HSD17B12: variants seen among roughly 807,000 people sequenced by gnomAD.
The protein encoded by HSD17B12 is very-long-chain 3-oxoacyl-CoA reductase.
HSD17B12 carries 32 observed loss-of-function variants against 39.3 expected under a neutral mutation model. The ratio of observed to expected loss-of-function variants is 0.81; its 90% CI spans 0.61 to 1.09. The LOEUF is 1.09. Among genes scored for constraint, HSD17B12 ranks in the 50% least tolerant of loss-of-function variants. HSD17B12 has a pLI of 0.00. For synonymous variants in HSD17B12, 150 were observed against 146.7 expected (o/e 1.02, Z -0.16); for missense variants, 342 against 382.9 (o/e 0.89, Z 0.89).
the HSD17B12 span, among the ~76,000 whole-genome samples, chr11:43,567,024 T>C: frequency 1.3e-5 from 2 of 152,186 alleles, no homozygotes; most frequent in African/African-American, 4.8e-5. Context: ...TCACTTAGTT[T>C]ATCAGAGAAT....
the HSD17B12 span, among the ~76,000 whole-genome samples, chr11:43,626,622 T>A: frequency 4.6e-5 from 7 of 152,034 alleles, no homozygotes; most frequent in South Asian, 1.5e-3. Flanking sequence ...TATCTGAGAC[T>A]TATAGTACCT....
intron 4 of HSD17B12, among the ~76,000 whole-genome samples, chr11:43,801,595 G>GATATATATATAT (rs55674379): frequency 2.0e-3 from 143 of 72,620 alleles, no homozygotes; most frequent in South Asian, 3.4e-3. Flanking sequence ...GATAGTTGGA[G>GATATATATATAT]ATATATATAT....
intron 6 of HSD17B12, 86 bp from the exon 7 acceptor site, chr11:43,830,890 C>A: frequency 9.4e-7 from 1 of 1,067,346 alleles, no homozygotes; most frequent in Non-Finnish European, 1.4e-6. Context: ...TGATTCCCTT[C>A]TTTTTAGTGT....
intron 1 of HSD17B12, among the ~76,000 whole-genome samples, chr11:43,733,365 C>T (rs1950286867): frequency 6.6e-6 from 1 of 152,098 alleles, no homozygotes; most frequent in Admixed American, 6.5e-5. Flanking sequence ...TACCACCCTC[C>T]TAGGGTTGTT....
chr11:43,817,063 G>A (rs925131804), intron 6 of HSD17B12, among the ~76,000 whole-genome samples: 56 of 133,586 alleles, frequency 4.2e-4, no homozygotes, highest in Middle Eastern at 4.0e-3. Context: ...TATATATCTC[G>A]TGGTTTTGGT....
Position 43,846,874 on chromosome 11 carries a change from A to G in HSD17B12, c.684+6810A>G, listed in dbSNP as rs1217918972. ...ACAGTAAGTCCAAAACTGGAGGTAT[A>G]TATCATGTTCCACATGTCTTCAGTC... On this transcript the variant is annotated intron_variant, in intron 9 of 10. Transcript: ENST00000278353. Among the ~76,000 whole-genome samples, 6 of 152,232 alleles carry G rather than the reference A, an allele frequency of 3.9e-5. No homozygotes were observed. In the East Asian group the frequency reaches 7.7e-4, roughly 20 times the overall value.
At chr11:43,690,379 TATATATATATATATATATA>T (rs1949844998) in intron 1 of HSD17B12, among the ~76,000 whole-genome samples, 14 of 12,864 alleles carry the variant, frequency 1.1e-3, no homozygotes, top group Admixed American at 4.4e-3. Flanking sequence ...TATATATATA[TATATATATATATATATATA>T]TATATATTTT....
the HSD17B12 span, among the ~76,000 whole-genome samples, chr11:43,616,976 TAAAA>T: frequency 1.0e-5 from 1 of 97,968 alleles, no homozygotes; most frequent in Non-Finnish European, 2.2e-5. Context: ...TATCTCAAAT[TAAAA>T]AAAAAAAAAA....
the HSD17B12 span, among the ~76,000 whole-genome samples, chr11:43,665,273 C>T: frequency 2.0e-4 from 31 of 152,266 alleles, no homozygotes; most frequent in African/African-American, 6.3e-4. Context: ...GGCTGGAGTG[C>T]GGTGGTGCGA....
At chr11:43,598,393 TTGAGCTGGGG>T in the HSD17B12 span, among the ~76,000 whole-genome samples, 5 of 152,178 alleles carry the variant, frequency 3.3e-5, no homozygotes, top group African/African-American at 1.2e-4. Context: ...AATCCGTTTC[TTGAGCTGGGG>T]TATTTTTTTT....
At chr11:43,653,569 G>A in the HSD17B12 span, among the ~76,000 whole-genome samples, 2 of 151,862 alleles carry the variant, frequency 1.3e-5, no homozygotes, top group African/African-American at 4.8e-5. Flanking sequence ...CCTCACAACA[G>A]TCCCCGGTGT....
chr11:43,705,758 CCTCTTTTTTTT>C lies in HSD17B12; in HGVS notation c.160+24772_160+24782del, dbSNP rs1950008040. Among the ~76,000 whole-genome samples, 6 of 104,748 alleles carry C rather than the reference CCTCTTTTTTTT, an allele frequency of 5.7e-5. No homozygotes were observed. In the Admixed American group the frequency reaches 6.0e-4, roughly 10 times the overall value. 68.7% of individuals were successfully genotyped at this position (104,748 alleles called of 152,430 possible). The stretch of plus-strand genomic sequence containing the variant: ...ATTTAAATTTCTTTTTTTCCTCTCT[CCTCTTTTTTTT>C]TTTTTTTTTTTTTTTTTGAGATAGG... On this transcript the variant is annotated intron_variant, in intron 1 of 10. Coordinates refer to ENST00000278353, the MANE Select transcript of HSD17B12 (RefSeq NM_016142.3).
chr11:43,702,032 A>T, intron 1 of HSD17B12, among the ~76,000 whole-genome samples: 1 of 152,152 alleles, frequency 6.6e-6, no homozygotes, highest in East Asian at 1.9e-4. Context: ...TTTTTATTAT[A>T]GAGATCTTTT....
chr11:43,676,420 A>G (rs1949695626), upstream of HSD17B12, among the ~76,000 whole-genome samples: 1 of 152,186 alleles, frequency 6.6e-6, no homozygotes, highest in Non-Finnish European at 1.5e-5. Context: ...ATTTAAAACC[A>G]AGGGACTGGA....
intron 1 of HSD17B12, among the ~76,000 whole-genome samples, chr11:43,729,752 G>A (rs1031469216): frequency 9.2e-5 from 14 of 152,152 alleles, no homozygotes; most frequent in African/African-American, 4.8e-5. Flanking sequence ...CTAAGAAGTT[G>A]AATGAAACAA....
chr11:43,767,117 C>T (rs115681073), intron 3 of HSD17B12, among the ~76,000 whole-genome samples: 7,928 of 151,832 alleles, frequency 0.052, 227 homozygotes, highest in African/African-American at 0.061. Context: ...CTGTACCTCT[C>T]AACATATTTG....
Position 43,759,726 on chromosome 11 carries a change from CTTTTCTTT to C in HSD17B12, c.283+5617_283+5624del, listed in dbSNP as rs377483219. On this transcript the variant is annotated intron_variant, in intron 3 of 10. Coordinates refer to ENST00000278353, the MANE Select transcript of HSD17B12 (RefSeq NM_016142.3). The stretch of plus-strand genomic sequence containing the variant: ...TCTTCCTTCTCTTTTCGTTTCATTT[CTTTTCTTT>C]TTTTCTTTTTTGAGACAGAGTCTTA... Among the ~76,000 whole-genome samples, 208 of 151,764 alleles carry C rather than the reference CTTTTCTTT, an allele frequency of 1.4e-3. 1 individual carries two copies. The highest frequency in any genetic ancestry group is 4.8e-3 in the African/African-American group (200 of 41,384).
the HSD17B12 span, among the ~76,000 whole-genome samples, chr11:43,658,786 G>A: frequency 6.6e-6 from 1 of 152,180 alleles, no homozygotes; most frequent in Non-Finnish European, 1.5e-5. Context: ...GGCCGTGTGA[G>A]GTGTCAGTCC....
chr11:43,683,545 T>G (rs1305394965), intron 1 of HSD17B12, among the ~76,000 whole-genome samples: 2 of 152,158 alleles, frequency 1.3e-5, no homozygotes, highest in African/African-American at 2.4e-5. Flanking sequence ...CTGAAATAAT[T>G]TGAAAAACAA....
Sources: allele counts gnomAD v4.1 joint callset (sites outside exome capture counted in the v4.1 genomes callset), GRCh38; gene constraint gnomAD v4.1.1; transcripts MANE v1.5; gene names NCBI Gene and HGNC (gene_info 2026-07-23, HGNC 2026-07-21).